The following ECHS1 variants were observed in gnomAD, a reference collection of about 807,000 sequenced individuals.
ECHS1 encodes enoyl-CoA hydratase, mitochondrial.
In ECHS1, 19 loss-of-function variants were observed where a neutral mutation model predicts 33.5. The observed-to-expected ratio is 0.57, with a 90% CI of 0.40 to 0.83. ECHS1 has a LOEUF of 0.83. Ranked by LOEUF, ECHS1 falls within the 40% of genes least tolerant of loss-of-function variation. ECHS1 has a pLI of 0.00. For missense variants in ECHS1, 365 were observed against 381.3 expected (o/e 0.96, Z 0.36); for synonymous variants, 158 against 146.6 (o/e 1.08, Z -0.56).
In ECHS1 at chr10:133,372,637, C is replaced by A. The variant is rs552593580; in HGVS notation, c.88+609G>T. On this transcript the variant is annotated intron_variant, in intron 1 of 7. Coordinates refer to ENST00000368547, the MANE Select transcript of ECHS1 (RefSeq NM_004092.4). ...TACCAGCCAGCCGCCGGGCCTCCCG[C>A]AGGACGTGGCCTGGTGAGAGTGGCC... Among the ~76,000 whole-genome samples, 13 of 150,666 alleles carry A rather than the reference C, an allele frequency of 8.6e-5. No homozygotes were observed. In the East Asian group the frequency reaches 2.6e-3, roughly 30 times the overall value.
In ECHS1 at chr10:133,368,913, C is replaced by T. The variant is rs745633760; in HGVS notation, c.514+10G>A. On this transcript the variant is annotated intron_variant, in intron 4 of 7. Transcript: ENST00000368547. ...AAGGCATCTATGCCAGAGACAGTGT[C>T]ACTCTTTACCTGGGATGGTTCCTAT... is the stretch of plus-strand genomic sequence containing the variant. The T allele has an allele frequency of 6.2e-7, 1 of 1,612,248 alleles. No individual in the cohort carries two copies. The highest frequency in any genetic ancestry group is 8.5e-7 in the Non-Finnish European group (1 of 1,178,694).
intron 4 of ECHS1, among the ~76,000 whole-genome samples, chr10:133,368,475 G>T (rs555950533): frequency 2.2e-4 from 33 of 152,238 alleles, no homozygotes; most frequent in African/African-American, 7.5e-4. Context: ...AGAGGGTGTT[G>T]CTTTTTGCCA....
intron 6 of ECHS1, among the ~76,000 whole-genome samples, 186 bp from the exon 7 acceptor site, chr10:133,364,911 A>C (rs913960376): frequency 1.3e-5 from 2 of 152,180 alleles, no homozygotes; most frequent in African/African-American, 4.8e-5. Context: ...TGGCAGAACC[A>C]ACAGCTCTGC....
intron 7 of ECHS1, among the ~76,000 whole-genome samples, chr10:133,363,896 T>G (rs1848997960): frequency 1.3e-5 from 2 of 152,230 alleles, no homozygotes; most frequent in Non-Finnish European, 2.9e-5. Context: ...TAGAATACAT[T>G]TGAGCCTATT....
Position 133,369,936 on chromosome 10 carries a change from T to G in ECHS1, c.382A>C (p.Lys128Gln), listed in dbSNP as rs1564804964. The G allele has an allele frequency of 6.2e-7, 1 of 1,613,832 alleles. No individual in the cohort carries two copies. Among genetic ancestry groups the G allele is most frequent in the Non-Finnish European group, 8.5e-7 (1 of 1,179,986 alleles). Residue 128 changes from lysine (K) to glutamine (Q), a missense_variant, in exon 3 of 8, where the codon AAG (lysine) becomes CAG (glutamine). Coordinates refer to ENST00000368547, the MANE Select transcript of ECHS1 (RefSeq NM_004092.4). ...CCATTGACAGCAGCGATGACTGGCT[T>G]CTTGACCTGGGTGAGGTGGTCCCAG... ...KHWDHLTQVK[K>Q]PVIAAVNGYA...
At chr10:133,366,167 G>A (rs563323902) in intron 5 of ECHS1, 72 bp from the exon 6 acceptor site, 165 of 1,553,222 alleles carry the variant, frequency 1.1e-4, no homozygotes, top group Non-Finnish European at 1.3e-4. Flanking sequence ...GTGAGTGGCC[G>A]CTGGGGAGCA....
At chr10:133,367,825 A>C (rs1460736054) in intron 4 of ECHS1, among the ~76,000 whole-genome samples, 1 of 151,940 alleles carries the variant, frequency 6.6e-6, no homozygotes, top group East Asian at 1.9e-4. Flanking sequence ...AAGTGCATAG[A>C]AGAAAATGCT....
At chr10:133,368,889 A>G in intron 4 of ECHS1, 34 bp downstream of exon 4, 1 of 1,589,216 alleles carries the variant, frequency 6.3e-7, no homozygotes, top group Non-Finnish European at 8.6e-7. Flanking sequence ...TAATTACCTA[A>G]GGCATCTATG....
Position 133,369,083 on chromosome 10 carries a change from C to T in ECHS1, c.415-61G>A, listed in dbSNP as rs944802435. The T allele has an allele frequency of 7.3e-6, 11 of 1,505,822 alleles. No homozygotes were observed. In the African/African-American group the frequency reaches 1.4e-4, roughly 19 times the overall value. 93.3% of individuals were successfully genotyped at this position (1,505,822 alleles called of 1,614,324 possible). A position where few individuals can be genotyped will look rare whatever the true frequency, so the allele number is the denominator to read the frequency against. On this transcript the variant is annotated intron_variant, in intron 3 of 7. Transcript: ENST00000368547. ...GGGAACCCAGTCAGAAATCACTCTG[C>T]TTGCTTATTCAAATTTTCCATTTAA...
Position 133,370,747 on chromosome 10 carries a change from A to G in ECHS1, c.99T>C (p.Phe33=). 3 of 1,610,826 alleles carry G rather than the reference A, an allele frequency of 1.9e-6. No individual in the cohort carries two copies. Among genetic ancestry groups the G allele is most frequent in the Non-Finnish European group, 2.5e-6 (3 of 1,178,828 alleles). Reference sequence around the variant, plus strand: ...CTCTTTTTTCTGCGATGATGTACTCAAAGTTAGCACCTGGAGCAAGAAGGC... The same window carrying G: ...CTCTTTTTTCTGCGATGATGTACTCGAAGTTAGCACCTGGAGCAAGAAGGC... ...AWRPFASGAN[F]EYIIAEKRGK... Residue 33 remains phenylalanine (F), a synonymous_variant, in exon 2 of 8, where the codon TTT becomes TTC. Transcript: ENST00000368547.
At chr10:133,367,916 C>A (rs891622967) in intron 4 of ECHS1, among the ~76,000 whole-genome samples, 3 of 152,144 alleles carry the variant, frequency 2.0e-5, no homozygotes. Context: ...ACTTGCTTCA[C>A]CTTGTCAATC....
At chr10:133,364,808 T>G in intron 6 of ECHS1, 83 bp from the exon 7 acceptor site, 1 of 1,098,926 alleles carries the variant, frequency 9.1e-7, no homozygotes, top group South Asian at 1.3e-5. Context: ...CCCTCCTCAC[T>G]GACCCATGCA....
chr10:133,368,949 G>C lies in ECHS1; in HGVS notation c.488C>G (p.Pro163Arg), dbSNP rs371582393. 1 of 1,613,542 alleles carries C rather than the reference G, an allele frequency of 6.2e-7. No individual in the cohort carries two copies. The highest frequency in any genetic ancestry group is 1.3e-5 in the African/African-American group (1 of 74,872). Reference sequence around the variant, plus strand: ...TGGGATGGTTCCTATTAAGATCTCCGGCTGTGCAAACTGGGCCTTCTCACC... The same window carrying C: ...TGGGATGGTTCCTATTAAGATCTCCCGCTGTGCAAACTGGGCCTTCTCACC... The part of the protein sequence containing the change: ...YAGEKAQFAQ[P>R]EILIGTIPGA... The change falls in exon 4 of 8, where the codon CCG (proline) becomes CGG (arginine). Residue 163 changes from proline (P) to arginine (R), a missense_variant. Pro to Arg is a moderately radical substitution (Grantham distance 103). Transcript: ENST00000368547.
At chr10:133,365,357 C>T (rs904297819) in intron 6 of ECHS1, among the ~76,000 whole-genome samples, 4 of 152,244 alleles carry the variant, frequency 2.6e-5, no homozygotes, top group African/African-American at 9.6e-5. Context: ...GCCACACCCT[C>T]GAGATAAATG....
chr10:133,364,549 G>C lies in ECHS1; in HGVS notation c.807+109C>G, dbSNP rs533041539. 1.1e-4 allele frequency: 94 copies of C among 878,770 alleles called. 1 individual carries two copies. In the East Asian group the frequency reaches 2.4e-3, roughly 22 times the overall value. The allele number at this position is 878,770 out of a possible 1,614,324, so 54.4% of individuals were successfully genotyped here. ...GATCCCGTTAAAGGTGAGGCTGGCA[G>C]TTCTGACCAGAAAGAAACGATACTT... On this transcript the variant is annotated intron_variant, in intron 7 of 7. Coordinates refer to ENST00000368547, the MANE Select transcript of ECHS1 (RefSeq NM_004092.4).
At chr10:133,364,963 A>G (rs1040163210) in intron 6 of ECHS1, among the ~76,000 whole-genome samples, 1 of 152,214 alleles carries the variant, frequency 6.6e-6, no homozygotes, top group African/African-American at 2.4e-5. Flanking sequence ...CACGGCCCCA[A>G]GAAGGGAGAG....
Position 133,370,694 on chromosome 10 carries a change from TG to T in ECHS1, c.151del (p.Gln51AsnfsTer2). On this transcript the variant is annotated frameshift_variant, in exon 2 of 8. Coordinates refer to ENST00000368547, the MANE Select transcript of ECHS1 (RefSeq NM_004092.4). LOFTEE classifies it high-confidence loss of function. ...ATTGAGGGCCTTGGGGCGGTTCAGT[TG>T]GATCAACCCCACGGTGTTATTCTTC... is the stretch of plus-strand genomic sequence containing the variant. ...RGKNNTVGLI[Q>X]LNRPKALNAL... 1 of 1,613,488 alleles carries T rather than the reference TG, an allele frequency of 6.2e-7. No individual in the cohort carries two copies. The highest frequency in any genetic ancestry group is 8.5e-7 in the Non-Finnish European group (1 of 1,179,850).
chr10:133,370,500 C>T (rs1165063578), intron 2 of ECHS1, 60 bp downstream of exon 2: 2 of 1,437,590 alleles, frequency 1.4e-6, no homozygotes, highest in East Asian at 5.1e-5. Flanking sequence ...AGGCTTCTCC[C>T]AAGGCCATAC....
Position 133,369,899 on chromosome 10 carries a change from C to T in ECHS1, c.414+5G>A. ...GAGGAGGAGACTCTTGGCAGCAACA[C>T]TCACGGCATAGCCATTGACAGCAGC... On this transcript the variant is annotated splice_donor_5th_base_variant and intron_variant, in intron 3 of 7. Coordinates refer to ENST00000368547, the MANE Select transcript of ECHS1 (RefSeq NM_004092.4). 6.2e-7 allele frequency: 1 copy of T among 1,613,234 alleles called. No individual in the cohort carries two copies. The highest frequency in any genetic ancestry group is 8.5e-7 in the Non-Finnish European group (1 of 1,179,844).
Sources: gnomAD v4.1 joint callset for allele counts (sites outside exome capture counted in the v4.1 genomes callset) on GRCh38, gnomAD v4.1.1 for gene constraint, MANE v1.5 for transcripts, NCBI Gene and HGNC (gene_info 2026-07-23, HGNC 2026-07-21) for gene names.